The following ERG variants were observed in gnomAD, a reference collection of about 807,000 sequenced individuals.
ERG encodes ETS transcription factor ERG, also known as transcriptional regulator ERG.
In ERG, 9 loss-of-function variants were observed where a neutral mutation model predicts 55.3. The observed-to-expected ratio is 0.16, with a 90% confidence interval of 0.10 to 0.28. ERG has a LOEUF of 0.28. Among genes scored for constraint, ERG ranks in the 10% least tolerant of loss-of-function variants. The pLI is 1.00. For missense variants in ERG, 434 were observed against 631.6 expected (o/e 0.69, Z 3.35); for synonymous variants, 223 against 237.3 (o/e 0.94, Z 0.55).
chr21:38,641,642 T>C (rs62217511), intron 1 of ERG, among the ~76,000 whole-genome samples: 33,248 of 152,118 alleles, frequency 0.22, 3,735 homozygotes, highest in East Asian at 0.3. Context: ...AATTATTTAG[T>C]ATGACATAAA....
At chr21:38,596,401 A>C (rs2060131850) in intron 1 of ERG, among the ~76,000 whole-genome samples, 1 of 152,202 alleles carries the variant, frequency 6.6e-6, no homozygotes, top group African/African-American at 2.4e-5. Context: ...CTAAGTGTAG[A>C]GAAAGGCACA....
chr21:38,601,846 A>G (rs2836556), intron 1 of ERG, among the ~76,000 whole-genome samples: 10,983 of 152,260 alleles, frequency 0.072, 708 homozygotes, highest in African/African-American at 0.18. Context: ...AAGCTTAACC[A>G]GCACTTTTTT....
chr21:38,603,667 A>G (rs1262948771), intron 1 of ERG, among the ~76,000 whole-genome samples: 1 of 152,072 alleles, frequency 6.6e-6, no homozygotes, highest in Non-Finnish European at 1.5e-5. Flanking sequence ...CTCTCGAGAT[A>G]TCACCCAAGG....
intron 3 of ERG, among the ~76,000 whole-genome samples, chr21:38,416,949 G>A (rs980021616): frequency 6.6e-6 from 1 of 152,216 alleles, no homozygotes; most frequent in African/African-American, 2.4e-5. Flanking sequence ...TCACATCATC[G>A]TGGGTATAAA....
At chr21:38,437,521 G>A (rs1422219650) in intron 2 of ERG, among the ~76,000 whole-genome samples, 10 of 152,180 alleles carry the variant, frequency 6.6e-5, no homozygotes, top group Non-Finnish European at 4.4e-5. Flanking sequence ...CTGAGCTCAG[G>A]CAAGGAGGCA....
chr21:38,382,761 C>A lies in ERG; in HGVS notation c.*642G>T. On this transcript the variant is annotated 3_prime_UTR_variant, in exon 10 of 10. Transcript: ENST00000288319. ...ACATCCTCAGTCCCACCTTTTAGTTCATAGTCCCGGTAATACTGTAAAGGA... is the reference window on the plus strand; with the variant it reads ...ACATCCTCAGTCCCACCTTTTAGTTAATAGTCCCGGTAATACTGTAAAGGA... The A allele has an allele frequency of 9.4e-7, 1 of 1,066,212 alleles. No homozygotes were observed. The highest frequency in any genetic ancestry group is 1.1e-6 in the Non-Finnish European group (1 of 879,564). 66.0% of individuals were successfully genotyped at this position (1,066,212 alleles called of 1,614,324 possible).
At chr21:38,609,305 A>G (rs1484680417) in intron 1 of ERG, among the ~76,000 whole-genome samples, 1 of 152,208 alleles carries the variant, frequency 6.6e-6, no homozygotes, top group East Asian at 1.9e-4. Context: ...CAAACTGAAA[A>G]TACATACTAT....
At chr21:38,476,873 A>T (rs967852838) in intron 1 of ERG, among the ~76,000 whole-genome samples, 1 of 152,090 alleles carries the variant, frequency 6.6e-6, no homozygotes, top group Non-Finnish European at 1.5e-5. Context: ...TTAGCGTAAA[A>T]ATTAACTGGA....
At chr21:38,540,432 C>T (rs2059744221) in intron 2 of ERG, among the ~76,000 whole-genome samples, 5 of 152,174 alleles carry the variant, frequency 3.3e-5, no homozygotes, top group Non-Finnish European at 7.3e-5. Flanking sequence ...AACTGACTCA[C>T]CCTGACAGTT....
At chr21:38,573,902 G>A (rs892490079) in intron 2 of ERG, among the ~76,000 whole-genome samples, 6 of 152,184 alleles carry the variant, frequency 3.9e-5, no homozygotes, top group Admixed American at 3.3e-4. Flanking sequence ...ATAAATCAGA[G>A]CCGAAAACAT....
At chr21:38,627,822 G>T (rs2146952635) in intron 1 of ERG, among the ~76,000 whole-genome samples, 1 of 152,270 alleles carries the variant, frequency 6.6e-6, no homozygotes, top group Admixed American at 6.5e-5. Context: ...TGCAAGAAAG[G>T]GATGTGGTAA....
intron 6 of ERG, among the ~76,000 whole-genome samples, chr21:38,394,641 C>G (rs1423186424): frequency 6.6e-6 from 1 of 152,128 alleles, no homozygotes; most frequent in Admixed American, 6.6e-5. Flanking sequence ...CGTGAGCCAC[C>G]GCGCCTGGCC....
At chr21:38,599,853 A>C (rs2060154120) in intron 1 of ERG, among the ~76,000 whole-genome samples, 1 of 152,222 alleles carries the variant, frequency 6.6e-6, no homozygotes, top group Non-Finnish European at 1.5e-5. Flanking sequence ...TTGCACCTAC[A>C]TCATAACCTA....
chr21:38,637,365 C>T (rs887911132), intron 1 of ERG, among the ~76,000 whole-genome samples: 5 of 152,304 alleles, frequency 3.3e-5, no homozygotes, highest in Admixed American at 6.5e-5. Context: ...GGATTTCTTA[C>T]TAATCTGGGT....
At chr21:38,544,615 C>T (rs955418364) in intron 2 of ERG, among the ~76,000 whole-genome samples, 4 of 152,096 alleles carry the variant, frequency 2.6e-5, no homozygotes, top group African/African-American at 9.7e-5. Context: ...TTTCCTTTCC[C>T]AGGATATCTT....
intron 1 of ERG, among the ~76,000 whole-genome samples, chr21:38,476,564 G>A (rs997788358): frequency 6.6e-6 from 1 of 152,142 alleles, no homozygotes; most frequent in Non-Finnish European, 1.5e-5. Flanking sequence ...AAGTCTTGTC[G>A]GAAATGAGAT....
chr21:38,504,045 G>A (rs1277695158), intron 2 of ERG, among the ~76,000 whole-genome samples: 2 of 152,020 alleles, frequency 1.3e-5, no homozygotes, highest in Non-Finnish European at 1.5e-5. Context: ...TGTGTGGGGG[G>A]GTAGGGGAGT....
At chr21:38,520,897 C>A (rs1228081997) in intron 2 of ERG, among the ~76,000 whole-genome samples, 1 of 152,116 alleles carries the variant, frequency 6.6e-6, no homozygotes, top group East Asian at 1.9e-4. Context: ...TTATATCAGA[C>A]GTGCTCATAG....
chr21:38,485,310 G>C (rs1475771665), intron 1 of ERG, among the ~76,000 whole-genome samples: 1 of 152,022 alleles, frequency 6.6e-6, no homozygotes, highest in Non-Finnish European at 1.5e-5. Context: ...AAATATTTCT[G>C]TACAACTGAA....
Sources: allele counts gnomAD v4.1 joint callset (sites outside exome capture counted in the v4.1 genomes callset), GRCh38; gene constraint gnomAD v4.1.1; transcripts MANE v1.5; gene names NCBI Gene and HGNC (gene_info 2026-07-23, HGNC 2026-07-21).